PNPT1: variants seen among roughly 807,000 people sequenced by gnomAD.
The protein encoded by PNPT1 is polyribonucleotide nucleotidyltransferase 1, also known as polyribonucleotide nucleotidyltransferase 1, mitochondrial.
PNPT1 carries 53 observed loss-of-function variants against 119.5 expected under a neutral mutation model. The observed-to-expected ratio is 0.44, with a 90% CI of 0.36 to 0.56. The LOEUF is 0.56. Ranked by LOEUF, PNPT1 falls within the 20% of genes least tolerant of loss-of-function variation. The pLI is 0.00. For missense variants in PNPT1, 948 were observed against 938.5 expected, an observed-to-expected ratio of 1.01 and a Z score of -0.13; for synonymous variants, 357 against 322.1, an observed-to-expected ratio of 1.11 and a Z score of -1.16.
intron 1 of PNPT1, among the ~76,000 whole-genome samples, chr2:55,692,221 T>C (rs1026322087): frequency 6.6e-6 from 1 of 151,998 alleles, no homozygotes; most frequent in Non-Finnish European, 1.5e-5. Flanking sequence ...TGTAAACACA[T>C]ACACACAGTG....
intron 14 of PNPT1, among the ~76,000 whole-genome samples, chr2:55,660,614 T>A (rs10496044): frequency 6.6e-6 from 1 of 152,068 alleles, no homozygotes; most frequent in Admixed American, 6.5e-5. Context: ...GATCATAAAC[T>A]GTAGCTTTGG....
chr2:55,683,721 TAC>T, intron 5 of PNPT1, 62 bp downstream of exon 5: 1 of 1,420,618 alleles, frequency 7.0e-7, no homozygotes, highest in Non-Finnish European at 9.8e-7. Context: ...TAGGAAATAT[TAC>T]AGAGATTCAT....
At chr2:55,686,538 A>C in intron 2 of PNPT1, 94 bp from the exon 3 acceptor site, 63 of 835,368 alleles carry the variant, frequency 7.5e-5, no homozygotes, top group Non-Finnish European at 1.1e-4. Flanking sequence ...AATTAAACTC[A>C]AGAAAAGATA....
At chr2:55,654,990 AT>A (rs750874825) in intron 17 of PNPT1, 37 bp from the exon 18 acceptor site, 4 of 1,544,762 alleles carry the variant, frequency 2.6e-6, no homozygotes, top group Non-Finnish European at 3.6e-6. Context: ...TATTAAACTG[AT>A]TTTTTTAATG....
chr2:55,688,015 T>G (rs1572837998), intron 1 of PNPT1, among the ~76,000 whole-genome samples: 2 of 151,156 alleles, frequency 1.3e-5, no homozygotes, highest in Middle Eastern at 3.4e-3. Flanking sequence ...AGGTGGGGGG[T>G]GGTCTTTGTG....
At chr2:55,670,165 G>A (rs933270051) in intron 11 of PNPT1, among the ~76,000 whole-genome samples, 1 of 151,656 alleles carries the variant, frequency 6.6e-6, no homozygotes, top group African/African-American at 2.4e-5. Context: ...TGTGAGGTTG[G>A]TATTATTACT....
intron 8 of PNPT1, among the ~76,000 whole-genome samples, chr2:55,676,087 C>T (rs1425597004): frequency 6.6e-6 from 1 of 151,458 alleles, no homozygotes; most frequent in Non-Finnish European, 1.5e-5. Context: ...ATGTTGAAAC[C>T]CCATCTCTAC....
chr2:55,678,004 G>A (rs1191033659), intron 8 of PNPT1, among the ~76,000 whole-genome samples: 1 of 152,162 alleles, frequency 6.6e-6, no homozygotes, highest in African/African-American at 2.4e-5. Context: ...GCCTCCCAAA[G>A]TGCTGGGATT....
intron 8 of PNPT1, among the ~76,000 whole-genome samples, chr2:55,673,912 G>A (rs1233430593): frequency 6.6e-6 from 1 of 151,498 alleles, no homozygotes; most frequent in Admixed American, 6.6e-5. Context: ...TAGTAGGGAC[G>A]GGGTTTTGCC....
rs774365432 is a variant in PNPT1 at position 55,636,268 on chromosome 2, G to A, written c.2321C>T (p.Pro774Leu). Residue 774 changes from proline to leucine, a missense_variant, in exon 28 of 28, where the codon CCT (proline) becomes CTT (leucine). Coordinates refer to ENST00000447944, the MANE Select transcript of PNPT1 (RefSeq NM_033109.5). ...AGAATTAGATGATGACTGTGAAATA[G>A]GTTCTCCCATTACAATACTACTTCT... Reference protein sequence around the residue: ...NDRSSIVMGEPISQSSSNSQ With the variant: ...NDRSSIVMGELISQSSSNSQ 14 of 1,612,682 alleles carry A rather than the reference G, an allele frequency of 8.7e-6. No individual in the cohort carries two copies. The highest frequency in any genetic ancestry group is 1.7e-5 in the Admixed American group (1 of 59,942).
Position 55,636,234 on chromosome 2 carries a change from A to T in PNPT1, c.*3T>A. On this transcript the variant is annotated 3_prime_UTR_variant, in exon 28 of 28. Transcript: ENST00000447944. ...ATTCTAGAATTCTCTTTAAAAAAAA[A>T]AATCACTGAGAATTAGATGATGACT... The T allele has an allele frequency of 6.2e-7, 1 of 1,602,154 alleles. No individual in the cohort carries two copies. The highest frequency in any genetic ancestry group is 8.5e-7 in the Non-Finnish European group (1 of 1,173,782).
chr2:55,640,450 C>T (rs1229689609), intron 26 of PNPT1, among the ~76,000 whole-genome samples, 177 bp downstream of exon 26: 1 of 152,222 alleles, frequency 6.6e-6, no homozygotes, highest in Non-Finnish European at 1.5e-5. Flanking sequence ...CCCTGCCCAG[C>T]CAATTTTTCT....
intron 2 of PNPT1, among the ~76,000 whole-genome samples, chr2:55,686,912 G>A (rs748991116): frequency 4.6e-5 from 7 of 152,026 alleles, no homozygotes; most frequent in African/African-American, 1.4e-4. Flanking sequence ...GGTGGATCAC[G>A]AGGTCAAGAG....
At chr2:55,690,696 G>GT (rs1343100974) in intron 1 of PNPT1, among the ~76,000 whole-genome samples, 37 of 151,832 alleles carry the variant, frequency 2.4e-4, no homozygotes, top group Admixed American at 5.9e-4. Flanking sequence ...TGAAATATTA[G>GT]TTTTTTTTTA....
At chr2:55,664,603 T>C (rs1364838254) in intron 13 of PNPT1, among the ~76,000 whole-genome samples, 1 of 151,764 alleles carries the variant, frequency 6.6e-6, no homozygotes, top group Non-Finnish European at 1.5e-5. Context: ...AAAAGAAGGC[T>C]GAAAGTAAAA....
chr2:55,645,180 C>G (rs994236977), intron 22 of PNPT1, 169 bp downstream of exon 22: 25 of 431,968 alleles, frequency 5.8e-5, no homozygotes, highest in Middle Eastern at 6.5e-4. Flanking sequence ...CCCGCCACCA[C>G]GCCCGGCTAA....
intron 15 of PNPT1, among the ~76,000 whole-genome samples, chr2:55,659,314 T>C (rs969061780): frequency 2.0e-5 from 3 of 152,224 alleles, no homozygotes; most frequent in African/African-American, 7.2e-5. Context: ...TCTGGTCCCT[T>C]AGGATTTGTT....
At chr2:55,677,243 G>A (rs527362219) in intron 8 of PNPT1, among the ~76,000 whole-genome samples, 1 of 152,358 alleles carries the variant, frequency 6.6e-6, no homozygotes, top group African/African-American at 2.4e-5. Context: ...CAGGTGAGAA[G>A]AGCCAGCTGG....
At chr2:55,658,860 A>G (rs938393720) in intron 15 of PNPT1, among the ~76,000 whole-genome samples, 5 of 152,256 alleles carry the variant, frequency 3.3e-5, no homozygotes, top group Non-Finnish European at 7.3e-5. Context: ...CAGCAGATTC[A>G]GCAAGAGTGA....
Sources: gnomAD v4.1 joint callset for allele counts (sites outside exome capture counted in the v4.1 genomes callset) on GRCh38, gnomAD v4.1.1 for gene constraint, MANE v1.5 for transcripts, NCBI Gene and HGNC (gene_info 2026-07-23, HGNC 2026-07-21) for gene names.